SORCS3: variants seen among roughly 807,000 people sequenced by gnomAD.
SORCS3 encodes sortilin related VPS10 domain containing receptor 3, also known as VPS10 domain-containing receptor SorCS3.
In SORCS3, 57 loss-of-function variants were observed where a neutral mutation model predicts 146.3. The ratio of observed to expected loss-of-function variants is 0.39; its 90% CI spans 0.31 to 0.49. SORCS3 has a LOEUF of 0.49. SORCS3 is among the 20% of genes least tolerant of loss of function. The pLI is 0.92. For synonymous variants in SORCS3, 653 were observed against 618.5 expected, an observed-to-expected ratio of 1.06 and a Z score of -0.83; for missense variants, 1,341 against 1,575.5, an observed-to-expected ratio of 0.85 and a Z score of 2.52.
At chr10:105,114,520 A>T (rs751772743) in intron 7 of SORCS3, among the ~76,000 whole-genome samples, 2 of 152,250 alleles carry the variant, frequency 1.3e-5, no homozygotes, top group South Asian at 2.1e-4. Flanking sequence ...ATTCTGGAAA[A>T]GGGCATGGTT....
rs551328953 is a variant in SORCS3 at position 104,761,184 on chromosome 10, A to G, written c.628-81608A>G. On this transcript the variant is annotated intron_variant, in intron 1 of 26. Transcript: ENST00000369701. ...CTCCCAATCAGACCAAGGAATTATT[A>G]TTTCTGTTTTTTCTCCTTCCTAAGA... 4.6e-5 allele frequency among the ~76,000 whole-genome samples: 7 copies of G among 152,262 alleles called. No individual in the cohort carries two copies. In the South Asian group the frequency reaches 1.5e-3, roughly 32 times the overall value.
chr10:104,983,397 G>C (rs1436741672), intron 4 of SORCS3, among the ~76,000 whole-genome samples: 1 of 152,190 alleles, frequency 6.6e-6, no homozygotes, highest in Non-Finnish European at 1.5e-5. Flanking sequence ...ACATTTATTA[G>C]AGGGAAAATC....
intron 14 of SORCS3, among the ~76,000 whole-genome samples, chr10:105,198,780 C>G (rs1242238444): frequency 2.0e-5 from 3 of 152,180 alleles, no homozygotes; most frequent in Admixed American, 2.0e-4. Flanking sequence ...TCCTGTCTCT[C>G]TTTCAAAGTC....
intron 3 of SORCS3, among the ~76,000 whole-genome samples, chr10:104,936,499 A>G (rs2019261878): frequency 6.6e-6 from 1 of 152,198 alleles, no homozygotes; most frequent in Non-Finnish European, 1.5e-5. Flanking sequence ...AACTGGGCAT[A>G]TTAACAAAAC....
chr10:104,809,913 T>A (rs1258915738), intron 1 of SORCS3, among the ~76,000 whole-genome samples: 3 of 152,246 alleles, frequency 2.0e-5, no homozygotes, highest in Admixed American at 6.5e-5. Flanking sequence ...GTACACAGTG[T>A]CCTTTATTTG....
chr10:105,107,334 G>A (rs900009944), intron 7 of SORCS3, among the ~76,000 whole-genome samples: 3 of 141,436 alleles, frequency 2.1e-5, no homozygotes, highest in African/African-American at 7.9e-5. Context: ...TTTTTTTACA[G>A]TGGAAGCACA....
At chr10:105,221,401 G>A (rs767401208) in intron 19 of SORCS3, among the ~76,000 whole-genome samples, 15 of 152,160 alleles carry the variant, frequency 9.9e-5, no homozygotes, top group Non-Finnish European at 1.6e-4. Context: ...GGTGGTGGTC[G>A]GCAGTAGTGG....
At chr10:104,908,431 T>G (rs2018931528) in intron 2 of SORCS3, among the ~76,000 whole-genome samples, 1 of 152,170 alleles carries the variant, frequency 6.6e-6, no homozygotes, top group East Asian at 1.9e-4. Flanking sequence ...GCCATAAGCA[T>G]TTATGGAACA....
At chr10:104,830,846 C>G (rs2017992761) in intron 1 of SORCS3, among the ~76,000 whole-genome samples, 1 of 152,154 alleles carries the variant, frequency 6.6e-6, no homozygotes, top group African/African-American at 2.4e-5. Context: ...AGGTCTTTCT[C>G]TGTCACCCAG....
chr10:104,791,014 C>T (rs564147891), intron 1 of SORCS3, among the ~76,000 whole-genome samples: 12 of 152,296 alleles, frequency 7.9e-5, no homozygotes, highest in African/African-American at 2.6e-4. Context: ...CTACAAGCAG[C>T]ATCATTCCCT....
intron 3 of SORCS3, among the ~76,000 whole-genome samples, chr10:104,929,869 T>G (rs2133609988): frequency 6.6e-6 from 1 of 152,306 alleles, no homozygotes; most frequent in African/African-American, 2.4e-5. Flanking sequence ...TACCTATTTT[T>G]TTCAGTTACA....
At chr10:104,714,928 C>T (rs1172609488) in intron 1 of SORCS3, among the ~76,000 whole-genome samples, 3 of 152,110 alleles carry the variant, frequency 2.0e-5, no homozygotes, top group Non-Finnish European at 2.9e-5. Flanking sequence ...AGACCAGAGT[C>T]AAGAGGACAG....
rs370747917 is a variant in SORCS3, at chr10:105,157,233, G to A, written c.1578G>A (p.Leu526=). ...ITYNKGRDWR[L]LQAPDVDLRG... ...ACAACAAAGGCAGGGATTGGCGCCT[G>A]CTGCAAGCTCCGGATGTGGACCTGA... Residue 526 remains leucine, a synonymous_variant, in exon 10 of 27, where the codon CTG becomes CTA. Transcript: ENST00000369701. 1 of 1,614,102 alleles carries A rather than the reference G, an allele frequency of 6.2e-7. No homozygotes were observed. The highest frequency in any genetic ancestry group is 8.5e-7 in the Non-Finnish European group (1 of 1,179,972).
rs374509657 is a variant in SORCS3 at position 105,214,559 on chromosome 10, G to A, written c.2493G>A (p.Gly831=). The A allele has an allele frequency of 5.0e-6, 8 of 1,610,494 alleles. No homozygotes were observed. The highest frequency in any genetic ancestry group is 6.8e-6 in the Non-Finnish European group (8 of 1,178,580). ...PRGLHVVTTD[G]RLVAEQGHNA... ...GCCTCCATGTGGTGACGACCGATGG[G>A]CGGCTGGTGGCAGAGCAGGGGCACA... The change falls in exon 18 of 27, where the codon GGG becomes GGA. Residue 831 remains glycine (G), a synonymous_variant. Coordinates refer to ENST00000369701, the MANE Select transcript of SORCS3 (RefSeq NM_014978.3).
intron 2 of SORCS3, among the ~76,000 whole-genome samples, chr10:104,857,731 A>AG (rs11406476): frequency 0.18 from 27,579 of 152,016 alleles, 5,675 homozygotes; most frequent in African/African-American, 0.51. Context: ...TTACATGGTG[A>AG]GGGGCTATGA....
intron 1 of SORCS3, among the ~76,000 whole-genome samples, chr10:104,812,640 C>T (rs999146948): frequency 6.6e-5 from 10 of 152,338 alleles, no homozygotes; most frequent in African/African-American, 2.4e-4. Flanking sequence ...ACTCCAGCCC[C>T]TAATGGGCCT....
At position 104,887,971 on chromosome 10, in the gene SORCS3, G is replaced by GGGGTGC. The variant is rs145157471; in HGVS notation, c.696-27861_696-27860insGGTGCG. Among the ~76,000 whole-genome samples, 312 of 82,916 alleles carry GGGGTGC rather than the reference G, an allele frequency of 3.8e-3. 6 individuals are homozygous for GGGGTGC. The highest frequency in any genetic ancestry group is 5.0e-3 in the South Asian group (14 of 2,826). 54.4% of individuals were successfully genotyped at this position (82,916 alleles called of 152,430 possible). A position where few individuals can be genotyped will look rare whatever the true frequency, so the allele number is the denominator to read the frequency against. ...AACATGGTGGGGGCGGGGGGGCGGG[G>GGGGTGC]GCGGAGCAAGCCCATGAAGACAGCA... On this transcript the variant is annotated intron_variant, in intron 2 of 26. Transcript: ENST00000369701.
chr10:105,088,628 T>C (rs969089241), intron 5 of SORCS3, among the ~76,000 whole-genome samples: 3 of 152,230 alleles, frequency 2.0e-5, no homozygotes, highest in Non-Finnish European at 4.4e-5. Flanking sequence ...AGCCCCTGTT[T>C]CTTTTCTTCT....
chr10:105,140,523 A>C (rs1353285087), intron 8 of SORCS3, among the ~76,000 whole-genome samples: 1 of 152,210 alleles, frequency 6.6e-6, no homozygotes, highest in Non-Finnish European at 1.5e-5. Context: ...ACAGAAGTTC[A>C]AGGGCCATCT....
Sources: allele counts gnomAD v4.1 joint callset (sites outside exome capture counted in the v4.1 genomes callset), GRCh38; gene constraint gnomAD v4.1.1; transcripts MANE v1.5; gene names NCBI Gene and HGNC (gene_info 2026-07-23, HGNC 2026-07-21).